DMD: variants seen among roughly 807,000 people sequenced by gnomAD.
The protein encoded by DMD is dystrophin.
In DMD, 63 loss-of-function variants were observed where a neutral mutation model predicts 330.1. The ratio of observed to expected loss-of-function variants is 0.19; its 90% CI spans 0.16 to 0.24. The LOEUF is 0.24. DMD is among the 10% of genes least tolerant of loss of function. The probability of loss-of-function intolerance (pLI) is 1.00; values close to 1 mark genes in which losing one functional copy is unlikely to be tolerated. For missense variants in DMD, 3,344 were observed against 2,684.1 expected, an observed-to-expected ratio of 1.25 and a Z score of -5.43; for synonymous variants, 1,223 against 959.8, an observed-to-expected ratio of 1.27 and a Z score of -5.07.
intron 63 of DMD, among the ~76,000 whole-genome samples, chrX:31,256,469 A>G (rs894382736): frequency 1.8e-5 from 2 of 111,918 alleles, no homozygotes; most frequent in African/African-American, 3.2e-5. Flanking sequence ...GGGAAACACA[A>G]TATTTCTAAC....
chrX:32,336,158 T>G (rs1343346863), intron 41 of DMD, among the ~76,000 whole-genome samples: 1 of 109,850 alleles, frequency 9.1e-6, no homozygotes, highest in Non-Finnish European at 1.9e-5. Flanking sequence ...ATGTTATCTG[T>G]GTGTGTATAA....
At position 32,342,175 on chromosome X, in the gene DMD, C is replaced by A; in HGVS notation, c.5847G>T (p.Gln1949His). Reference sequence around the variant, plus strand: ...CCCGCCAGCGCTTGCTGAGCTGGATCTGAGTTGGCTCCACTGCCATTGCGG... The same window carrying A: ...CCCGCCAGCGCTTGCTGAGCTGGATATGAGTTGGCTCCACTGCCATTGCGG... Reference protein sequence around the residue: ...DGAAMAVEPTQIQLSKRWREI... With the variant: ...DGAAMAVEPTHIQLSKRWREI... Residue 1949 changes from glutamine (Q) to histidine (H), a missense_variant, in exon 41 of 79, where the codon CAG becomes CAT. Gln to His is a conservative substitution (Grantham distance 24, BLOSUM62 0). Coordinates refer to ENST00000357033, the MANE Select transcript of DMD (RefSeq NM_004006.3). 1 of 1,210,501 alleles carries A rather than the reference C, an allele frequency of 8.3e-7. No homozygotes were observed.
chrX:31,681,052 C>T (rs1001230913), intron 52 of DMD, among the ~76,000 whole-genome samples: 1 of 110,967 alleles, frequency 9.0e-6, no homozygotes, highest in Admixed American at 9.6e-5. Context: ...CACTGCAAAC[C>T]TCTATCATTT....
intron 2 of DMD, among the ~76,000 whole-genome samples, chrX:32,939,836 T>C (rs751872474): frequency 4.3e-4 from 48 of 111,293 alleles, no homozygotes; most frequent in Non-Finnish European, 8.1e-4. Flanking sequence ...GTGAATGATC[T>C]CTATGAGAAG....
chrX:33,146,737 C>G (rs1169106485), intron 1 of DMD, among the ~76,000 whole-genome samples: 10 of 111,918 alleles, frequency 8.9e-5, no homozygotes, highest in African/African-American at 2.9e-4. Context: ...CATTTCAATC[C>G]ACAAAAATAG....
At chrX:32,745,158 A>T (rs2069819474) in intron 7 of DMD, among the ~76,000 whole-genome samples, 1 of 111,932 alleles carries the variant, frequency 8.9e-6, no homozygotes, top group Admixed American at 9.5e-5. Flanking sequence ...GCAAGAAAAA[A>T]GTAATTGGCA....
At chrX:31,396,879 A>G (rs1192248446) in intron 60 of DMD, among the ~76,000 whole-genome samples, 1 of 111,806 alleles carries the variant, frequency 8.9e-6, no homozygotes, top group African/African-American at 3.3e-5. Context: ...AATCTGTGTT[A>G]GGCATTTTGA....
At chrX:31,903,952 C>A (rs1229591730) in intron 47 of DMD, among the ~76,000 whole-genome samples, 3 of 111,531 alleles carry the variant, frequency 2.7e-5, no homozygotes, top group Non-Finnish European at 5.7e-5. Flanking sequence ...TATAGACATT[C>A]ATTATATAAA....
chrX:31,950,301 A>G (rs1363406185), intron 45 of DMD, among the ~76,000 whole-genome samples: 1 of 111,394 alleles, frequency 9.0e-6, no homozygotes, highest in Admixed American at 9.6e-5. Flanking sequence ...ATATCTTCCA[A>G]ATTTCCTTCT....
chrX:32,599,601 G>C (rs895906716), intron 12 of DMD, among the ~76,000 whole-genome samples: 2 of 110,340 alleles, frequency 1.8e-5, no homozygotes, highest in African/African-American at 3.3e-5. Flanking sequence ...TCCAAATATA[G>C]ATGCATCCCT....
chrX:33,088,513 G>A (rs1182091226), intron 1 of DMD, among the ~76,000 whole-genome samples: 2 of 111,092 alleles, frequency 1.8e-5, no homozygotes, highest in African/African-American at 3.3e-5. Flanking sequence ...GAATAAATAT[G>A]TCACAATCGT....
chrX:31,715,083 C>T (rs1456872267), intron 52 of DMD, among the ~76,000 whole-genome samples: 1 of 111,037 alleles, frequency 9.0e-6, no homozygotes, highest in African/African-American at 3.3e-5. Context: ...AATTCTCATT[C>T]CCATTTTGTC....
intron 47 of DMD, among the ~76,000 whole-genome samples, chrX:31,875,856 C>A (rs2093959387): frequency 1.8e-5 from 2 of 112,313 alleles, no homozygotes; most frequent in Non-Finnish European, 3.8e-5. Flanking sequence ...CAATGCGCAT[C>A]CTAAAATTAA....
chrX:33,062,746 G>C (rs2094597587), intron 1 of DMD, among the ~76,000 whole-genome samples: 1 of 112,757 alleles, frequency 8.9e-6, no homozygotes, highest in African/African-American at 3.2e-5. Context: ...CAAAGTGCTG[G>C]GATAACAGGC....
chrX:31,531,820 G>A (rs1368935667), intron 55 of DMD, among the ~76,000 whole-genome samples: 32 of 102,787 alleles, frequency 3.1e-4, no homozygotes, highest in Non-Finnish European at 4.9e-4. Flanking sequence ...ACCAAGGCTC[G>A]AGAACTACGT....
chrX:31,649,466 C>T (rs1318287261), intron 54 of DMD, among the ~76,000 whole-genome samples: 1 of 111,776 alleles, frequency 8.9e-6, no homozygotes, highest in African/African-American at 3.3e-5. Context: ...TAAAATGAAG[C>T]AGGCTGTTAC....
At chrX:32,971,392 T>A (rs892401086) in intron 2 of DMD, among the ~76,000 whole-genome samples, 8 of 111,873 alleles carry the variant, frequency 7.2e-5, no homozygotes, top group Admixed American at 9.5e-5. Flanking sequence ...AACTAAATAC[T>A]TGGTCACACT....
At chrX:32,761,836 C>T (rs969946674) in intron 7 of DMD, among the ~76,000 whole-genome samples, 3 of 111,167 alleles carry the variant, frequency 2.7e-5, no homozygotes, top group African/African-American at 9.8e-5. Flanking sequence ...GTCTTCTGAA[C>T]TATCTGTTCA....
chrX:31,235,032 T>C (rs1185572013), intron 63 of DMD, among the ~76,000 whole-genome samples: 2 of 111,176 alleles, frequency 1.8e-5, no homozygotes, highest in Non-Finnish European at 3.8e-5. Context: ...AGGAACCTGA[T>C]CAGATACATA....
Sources: allele counts gnomAD v4.1 joint callset (sites outside exome capture counted in the v4.1 genomes callset), GRCh38; gene constraint gnomAD v4.1.1; transcripts MANE v1.5; gene names NCBI Gene and HGNC (gene_info 2026-07-23, HGNC 2026-07-21).